Variants in ARHGAP35 observed in about 807,000 individuals in gnomAD.
ARHGAP35 encodes rho GTPase-activating protein 35.
Under a neutral mutation model 111.1 loss-of-function variants are expected in ARHGAP35, and 15 were observed. The ratio of observed to expected loss-of-function variants is 0.13; its 90% CI spans 0.09 to 0.21. The LOEUF (loss-of-function observed/expected upper bound fraction) is 0.21, where lower values mean the gene tolerates loss of function less well. Among genes scored for constraint, ARHGAP35 ranks in the 10% least tolerant of loss-of-function variants. The probability of loss-of-function intolerance (pLI) is 1.00; values close to 1 mark genes in which losing one functional copy is unlikely to be tolerated. For synonymous variants in ARHGAP35, 643 were observed against 710.3 expected (o/e 0.91, Z 1.51); for missense variants, 1,262 against 1,873.0 (o/e 0.67, Z 6.02).
intron 3 of ARHGAP35, among the ~76,000 whole-genome samples, chr19:46,981,731 G>A (rs2056621322): frequency 6.6e-6 from 1 of 152,202 alleles, no homozygotes; most frequent in Admixed American, 6.5e-5. Flanking sequence ...GGCAGTCGAA[G>A]GGCTGAAATA....
intron 1 of ARHGAP35, among the ~76,000 whole-genome samples, chr19:46,914,125 A>T (rs185886322): frequency 2.6e-5 from 4 of 152,204 alleles, no homozygotes; most frequent in Non-Finnish European, 5.9e-5. Context: ...ATTCAGTCCA[A>T]TTGAGGAACT....
chr19:46,966,912 T>C (rs1007130808), intron 3 of ARHGAP35, among the ~76,000 whole-genome samples: 4 of 152,146 alleles, frequency 2.6e-5, no homozygotes, highest in African/African-American at 9.7e-5. Flanking sequence ...GCTTGCTTGC[T>C]TGGAGTCTGG....
intron 2 of ARHGAP35, among the ~76,000 whole-genome samples, chr19:46,933,195 G>GTGCAGTGGCACAAT (rs1158619861): frequency 2.1e-5 from 3 of 142,398 alleles, no homozygotes; most frequent in Non-Finnish European, 4.5e-5. Context: ...CCAGGCTGGA[G>GTGCAGTGGCACAAT]TGCAGTGGCA....
At chr19:46,874,161 T>C (rs1263629209) in intron 1 of ARHGAP35, among the ~76,000 whole-genome samples, 1 of 152,216 alleles carries the variant, frequency 6.6e-6, no homozygotes, top group Non-Finnish European at 1.5e-5. Flanking sequence ...ACAAACTAGT[T>C]CTTTGTAGTT....
rs1188077363 is a variant in ARHGAP35 at position 46,923,923 on chromosome 19, A to G, written c.3681+1567A>G. On this transcript the variant is annotated intron_variant, in intron 2 of 6. Transcript: ENST00000672722. ...GCAACAGAGGGAGACTCTGTCTCAAAAAAAAAAAAGGAAAAAGGAAAAAAA... is the reference window on the plus strand; with the variant it reads ...GCAACAGAGGGAGACTCTGTCTCAAGAAAAAAAAAGGAAAAAGGAAAAAAA... 2.0e-5 allele frequency among the ~76,000 whole-genome samples: 3 copies of G among 151,498 alleles called. No homozygotes were observed. The East Asian group carries it at 5.8e-4, about 29-fold the overall frequency.
At chr19:46,978,572 A>ATG (rs1339355532) in intron 3 of ARHGAP35, among the ~76,000 whole-genome samples, 1 of 28,834 alleles carries the variant, frequency 3.5e-5, no homozygotes, top group African/African-American at 1.4e-4. Context: ...GTGTGGTGGG[A>ATG]TGTGTGTGTG....
chr19:46,873,456 A>G (rs764185458), intron 1 of ARHGAP35, among the ~76,000 whole-genome samples: 3 of 152,026 alleles, frequency 2.0e-5, no homozygotes, highest in East Asian at 3.9e-4. Context: ...ACATTGGTGA[A>G]ACCCCATCTC....
intron 3 of ARHGAP35, among the ~76,000 whole-genome samples, chr19:46,963,995 G>A (rs1431885016): frequency 6.6e-6 from 1 of 151,808 alleles, no homozygotes; most frequent in Non-Finnish European, 1.5e-5. Flanking sequence ...AGCCTCCCGA[G>A]TAGCTGGGAT....
intron 5 of ARHGAP35, among the ~76,000 whole-genome samples, chr19:46,998,438 G>C (rs1307234240): frequency 6.6e-6 from 1 of 152,194 alleles, no homozygotes; most frequent in Non-Finnish European, 1.5e-5. Context: ...GGCTCCAGGT[G>C]GGCTCTGGGA....
At chr19:46,972,961 A>G (rs1222046556) in intron 3 of ARHGAP35, among the ~76,000 whole-genome samples, 1 of 152,230 alleles carries the variant, frequency 6.6e-6, no homozygotes, top group Non-Finnish European at 1.5e-5. Context: ...GGCAGATAGT[A>G]TTCAACCCTG....
chr19:46,900,220 G>T (rs2056077509), intron 1 of ARHGAP35, among the ~76,000 whole-genome samples: 1 of 134,984 alleles, frequency 7.4e-6, no homozygotes. Flanking sequence ...TTTGTTTTTT[G>T]GGTTTTTTTT....
rs180901817 is a variant in ARHGAP35, at chr19:46,880,690, T to G, written c.-189+19481T>G. Among the ~76,000 whole-genome samples, 141 of 152,164 alleles carry G rather than the reference T, an allele frequency of 9.3e-4. 1 individual carries two copies. The highest frequency in any genetic ancestry group is 3.4e-3 in the African/African-American group (140 of 41,538). On this transcript the variant is annotated intron_variant, in intron 1 of 6. Transcript: ENST00000672722. ...TTTATTTTATTTTATTTTTATTTTT[T>G]TTAAGAGATGAGGTCTTGCTCTGTC...
intron 2 of ARHGAP35, among the ~76,000 whole-genome samples, chr19:46,923,467 G>A (rs539160576): frequency 6.6e-6 from 1 of 152,234 alleles, no homozygotes; most frequent in East Asian, 1.9e-4. Flanking sequence ...CTGCAGGGCA[G>A]AGAGCTGTAA....
rs1568461130 is a variant in ARHGAP35 at position 46,888,308 on chromosome 19, ATATATAT to A, written c.-189+27100_-189+27106del. On this transcript the variant is annotated intron_variant, in intron 1 of 6. Coordinates refer to ENST00000672722, the MANE Select transcript of ARHGAP35 (RefSeq NM_004491.5). ...TATATATATATATATATATATATATATATATATATAAAATATTGATTTTATACACACA... is the reference window on the plus strand; with the variant it reads ...TATATATATATATATATATATATATAATAAAATATTGATTTTATACACACA... 2.4e-4 allele frequency among the ~76,000 whole-genome samples: 16 copies of A among 66,944 alleles called. 1 individual carries two copies. Among genetic ancestry groups the A allele is most frequent in the African/African-American group, 9.0e-4 (16 of 17,782 alleles). The allele number at this position is 66,944 out of a possible 152,430, so 43.9% of individuals were successfully genotyped here.
intron 3 of ARHGAP35, among the ~76,000 whole-genome samples, chr19:46,940,767 T>C (rs2056342053): frequency 6.6e-6 from 1 of 152,154 alleles, no homozygotes; most frequent in Non-Finnish European, 1.5e-5. Flanking sequence ...GGCTTTGTTT[T>C]AGTTTTTTGG....
At chr19:46,897,430 T>C (rs908069106) in intron 1 of ARHGAP35, among the ~76,000 whole-genome samples, 5 of 151,352 alleles carry the variant, frequency 3.3e-5, no homozygotes, top group Middle Eastern at 3.4e-3. Context: ...CCCTTGAAGG[T>C]AGTGGGTTTA....
At chr19:46,996,901 T>A (rs2056712509) in intron 5 of ARHGAP35, among the ~76,000 whole-genome samples, 1 of 152,146 alleles carries the variant, frequency 6.6e-6, no homozygotes, top group South Asian at 2.1e-4. Context: ...CTCACGCCTG[T>A]AATCCCAGCA....
chr19:46,865,680 C>T (rs1262479419), intron 1 of ARHGAP35, among the ~76,000 whole-genome samples: 2 of 152,078 alleles, frequency 1.3e-5, no homozygotes, highest in Non-Finnish European at 2.9e-5. Context: ...TTGAAAAGGT[C>T]GGAGTGGTTG....
In ARHGAP35 at chr19:47,000,349, G is replaced by A. The variant is rs2056739379; in HGVS notation, c.4161G>A (p.Lys1387=). ...SHLNKVSHNN[K]VNLMTSENLS... is the part of the protein sequence containing the mutation. ...CCCGCAGGGTCAGCCACAACAACAAGGTGAATCTCATGACCAGCGAGAACC... is the reference window on the plus strand; with the variant it reads ...CCCGCAGGGTCAGCCACAACAACAAAGTGAATCTCATGACCAGCGAGAACC... The change falls in exon 7 of 7, where the codon AAG becomes AAA. Residue 1387 remains lysine (K), a synonymous_variant. Coordinates refer to ENST00000672722, the MANE Select transcript of ARHGAP35 (RefSeq NM_004491.5). This position sits in a 1 kb window ranked among gnomAD's most constrained non-coding sequence, Gnocchi z 6.9. 7.4e-6 allele frequency: 12 copies of A among 1,613,826 alleles called. No homozygotes were observed. The highest frequency in any genetic ancestry group is 1.3e-5 in the African/African-American group (1 of 75,000).
Sources: allele counts gnomAD v4.1 joint callset (sites outside exome capture counted in the v4.1 genomes callset), GRCh38; gene constraint gnomAD v4.1.1; non-coding constraint Gnocchi (gnomAD v3.1); transcripts MANE v1.5; gene names NCBI Gene and HGNC (gene_info 2026-07-23, HGNC 2026-07-21).